The following CHFR variants were observed in gnomAD, a reference collection of about 807,000 sequenced individuals.
CHFR encodes checkpoint with forkhead and ring finger domains.
A neutral mutation model predicts 87.6 loss-of-function variants in CHFR; 57 were observed. The observed-to-expected ratio is 0.65, with a 90% CI of 0.53 to 0.81. The LOEUF (loss-of-function observed/expected upper bound fraction) is 0.81, where lower values mean the gene tolerates loss of function less well. CHFR is among the 30% of genes least tolerant of loss of function. The pLI is 0.00. For synonymous variants in CHFR, 381 were observed against 359.2 expected (o/e 1.06, Z -0.69); for missense variants, 797 against 865.8 (o/e 0.92, Z 1.00).
chr12:132,878,203 G>A (rs1469977384), intron 2 of CHFR, among the ~76,000 whole-genome samples: 1 of 152,166 alleles, frequency 6.6e-6, no homozygotes, highest in Non-Finnish European at 1.5e-5. Context: ...AGGCGCAGTG[G>A]CTCATACTTG....
chr12:132,864,980 T>C (rs1260542479), intron 6 of CHFR, among the ~76,000 whole-genome samples: 1 of 152,240 alleles, frequency 6.6e-6, no homozygotes, highest in Non-Finnish European at 1.5e-5. Flanking sequence ...ATTTTGTGTT[T>C]GATTTCTGAA....
intron 9 of CHFR, among the ~76,000 whole-genome samples, 167 bp downstream of exon 9, chr12:132,857,238 A>C (rs1490846318): frequency 7.3e-6 from 1 of 136,136 alleles, no homozygotes; most frequent in African/African-American, 2.8e-5. Flanking sequence ...GGATGCCCTC[A>C]CGTGCCCGGG....
intron 15 of CHFR, among the ~76,000 whole-genome samples, chr12:132,844,791 C>T (rs12425426): frequency 0.16 from 22,634 of 139,948 alleles, 2,240 homozygotes; most frequent in Admixed American, 0.23. Flanking sequence ...CCACCGTGCC[C>T]GGCTAATGTT....
At position 132,835,722 on chromosome 12, in the gene CHFR, G is replaced by T; in HGVS notation, c.*5832C>A. The T allele has an allele frequency of 4.0e-6, 1 of 252,600 alleles. No individual in the cohort carries two copies. The highest frequency in any genetic ancestry group is 7.9e-6 in the Non-Finnish European group (1 of 126,900). 15.6% of individuals were successfully genotyped at this position (252,600 alleles called of 1,614,324 possible). A position where few individuals can be genotyped will look rare whatever the true frequency, so the allele number is the denominator to read the frequency against. On this transcript the variant is annotated 3_prime_UTR_variant, in exon 18 of 18. Transcript: ENST00000450056. ...TGTTGTTTAAGCCGCCTGTTCTGCG[G>T]CGTTTTGATCCAGCGGCCCAAGTGG... is the stretch of plus-strand genomic sequence containing the variant.
In CHFR at chr12:132,837,040, G is replaced by A; in HGVS notation, c.*4514C>T. 2.9e-6 allele frequency: 1 copy of A among 345,432 alleles called. No individual in the cohort carries two copies. Among genetic ancestry groups the A allele is most frequent in the Non-Finnish European group, 5.7e-6 (1 of 176,322 alleles). The allele number at this position is 345,432 out of a possible 1,614,324, so 21.4% of individuals were successfully genotyped here. A position where few individuals can be genotyped will look rare whatever the true frequency, so the allele number is the denominator to read the frequency against. On this transcript the variant is annotated 3_prime_UTR_variant, in exon 18 of 18. Coordinates refer to ENST00000450056, the MANE Select transcript of CHFR (RefSeq NM_001161346.2). The stretch of plus-strand genomic sequence containing the variant: ...GGGCAGCCCTGCAGGAGCTGAATGA[G>A]GAGAGGCTGCAGAGGGAGGGGCTGG...
At chr12:132,885,622 A>C (rs1411519795) in intron 2 of CHFR, among the ~76,000 whole-genome samples, 1 of 152,158 alleles carries the variant, frequency 6.6e-6, no homozygotes, top group African/African-American at 2.4e-5. Flanking sequence ...TTGTCTTAAC[A>C]TGTAATGTCC....
rs780730358 is a variant in CHFR at position 132,864,089 on chromosome 12, A to C, written c.584-2455T>G. Among the ~76,000 whole-genome samples, 17 of 151,650 alleles carry C rather than the reference A, an allele frequency of 1.1e-4. 1 individual carries two copies. Among genetic ancestry groups the C allele is most frequent in the Non-Finnish European group, 4.4e-5 (3 of 67,804 alleles). On this transcript the variant is annotated intron_variant, in intron 6 of 17. Coordinates refer to ENST00000450056, the MANE Select transcript of CHFR (RefSeq NM_001161346.2). ...TGAATAAGGATTACAGGTGTGAATA[A>C]CCTATATCTTAATAAAGACTTAGTT...
chr12:132,871,387 G>A (rs968554827), intron 4 of CHFR, among the ~76,000 whole-genome samples: 4 of 152,030 alleles, frequency 2.6e-5, no homozygotes, highest in African/African-American at 9.7e-5. Flanking sequence ...AGGAGGTGGA[G>A]GTTGCAGTGA....
chr12:132,875,771 A>C (rs1451924124), intron 3 of CHFR, among the ~76,000 whole-genome samples: 1 of 152,218 alleles, frequency 6.6e-6, no homozygotes, highest in Non-Finnish European at 1.5e-5. Flanking sequence ...AAGTCAAAAC[A>C]ATAAATGTCC....
At chr12:132,871,976 C>A in intron 4 of CHFR, 1 of 318,422 alleles carries the variant, frequency 3.1e-6, no homozygotes, top group Non-Finnish European at 5.8e-6. Flanking sequence ...AGGTTTTATT[C>A]CCCATAACTC....
In CHFR at chr12:132,839,915, G is replaced by T. The variant is rs1162405102; in HGVS notation, c.*1639C>A. 5 of 159,606 alleles carry T rather than the reference G, an allele frequency of 3.1e-5. No individual in the cohort carries two copies. The highest frequency in any genetic ancestry group is 5.3e-5 in the Non-Finnish European group (4 of 75,334). The allele number at this position is 159,606 out of a possible 1,614,324, so 9.9% of individuals were successfully genotyped here. A position where few individuals can be genotyped will look rare whatever the true frequency, so the allele number is the denominator to read the frequency against. Reference sequence around the variant, plus strand: ...CTCAGCCTCACCCCTGCACAAACTTGGGACCTCCCCCTTAGCCTCGCCCCT... The same window carrying T: ...CTCAGCCTCACCCCTGCACAAACTTTGGACCTCCCCCTTAGCCTCGCCCCT... On this transcript the variant is annotated 3_prime_UTR_variant, in exon 18 of 18. Coordinates refer to ENST00000450056, the MANE Select transcript of CHFR (RefSeq NM_001161346.2).
At chr12:132,859,047 C>T in intron 8 of CHFR, 21 bp downstream of exon 8, 1 of 1,606,434 alleles carries the variant, frequency 6.2e-7, no homozygotes, top group South Asian at 1.1e-5. Flanking sequence ...TTCCGTGAGC[C>T]AAGGGTGAAC....
At chr12:132,862,891 T>C (rs2136988178) in intron 6 of CHFR, among the ~76,000 whole-genome samples, 1 of 145,888 alleles carries the variant, frequency 6.9e-6, no homozygotes, top group African/African-American at 2.5e-5. Flanking sequence ...AGACCTCATT[T>C]CTTTTGTTTT....
Position 132,864,167 on chromosome 12 carries a change from T to G in CHFR, c.584-2533A>C, listed in dbSNP as rs1426895253. ...AGCTTACAGTATTCAAATGTAAGTG[T>G]TATTATTTGAAAAAAAAAAACACAA... On this transcript the variant is annotated intron_variant, in intron 6 of 17. Coordinates refer to ENST00000450056, the MANE Select transcript of CHFR (RefSeq NM_001161346.2). Among the ~76,000 whole-genome samples the G allele has an allele frequency of 5.5e-5, 8 of 146,494 alleles. No homozygotes were observed. In the Admixed American group the frequency reaches 5.5e-4, roughly 10 times the overall value.
intron 2 of CHFR, among the ~76,000 whole-genome samples, chr12:132,878,712 C>G (rs1351058762): frequency 6.8e-6 from 1 of 146,642 alleles, no homozygotes; most frequent in African/African-American, 2.5e-5. Flanking sequence ...CCCAGCTACT[C>G]AGGAGGATGA....
At chr12:132,869,547 A>T (rs1951436187) in intron 6 of CHFR, 72 bp downstream of exon 6, 1 of 1,412,508 alleles carries the variant, frequency 7.1e-7, no homozygotes, top group Non-Finnish European at 9.8e-7. Context: ...CTGCCTCTGT[A>T]ACAACACAGG....
At chr12:132,859,414 G>A (rs952740372) in intron 7 of CHFR, among the ~76,000 whole-genome samples, 187 bp from the exon 8 acceptor site, 50 of 152,016 alleles carry the variant, frequency 3.3e-4, no homozygotes, top group African/African-American at 1.1e-3. Context: ...GCAGTGGCGC[G>A]ATCTCGGCTC....
intron 2 of CHFR, among the ~76,000 whole-genome samples, chr12:132,882,039 C>A (rs1333022309): frequency 1.3e-5 from 2 of 152,152 alleles, no homozygotes; most frequent in African/African-American, 2.4e-5. Context: ...CCCAGCAATT[C>A]CATTCATAGT....
chr12:132,858,973 G>A, intron 8 of CHFR, 95 bp downstream of exon 8: 2 of 1,252,200 alleles, frequency 1.6e-6, no homozygotes, highest in East Asian at 5.2e-5. Flanking sequence ...GGCCAAACAG[G>A]ACCTGCAGGC....
Sources: allele counts gnomAD v4.1 joint callset (sites outside exome capture counted in the v4.1 genomes callset), GRCh38; gene constraint gnomAD v4.1.1; transcripts MANE v1.5; gene names NCBI Gene and HGNC (gene_info 2026-07-23, HGNC 2026-07-21).